The following PREX2 variants were observed in gnomAD, a reference collection of about 807,000 sequenced individuals.
PREX2 encodes the protein phosphatidylinositol-3,4,5-trisphosphate dependent Rac exchange factor 2.
PREX2 carries 107 observed loss-of-function variants against 203.2 expected under a neutral mutation model. The observed-to-expected ratio is 0.53, with a 90% CI of 0.45 to 0.62. PREX2 has a LOEUF of 0.62. PREX2 is among the 20% of genes least tolerant of loss of function. The pLI, the probability that PREX2 is intolerant of heterozygous loss-of-function variation, is 0.00. For synonymous variants in PREX2, 672 were observed against 663.6 expected (o/e 1.01, Z -0.19); for missense variants, 1,777 against 1,955.9 (o/e 0.91, Z 1.72).
chr8:68,092,411 T>C (rs1456426303), intron 20 of PREX2, among the ~76,000 whole-genome samples: 1 of 152,188 alleles, frequency 6.6e-6, no homozygotes, highest in Non-Finnish European at 1.5e-5. Context: ...AAATAGATAA[T>C]ACATATTGTA....
At chr8:68,083,067 T>C (rs1809578724) in intron 17 of PREX2, among the ~76,000 whole-genome samples, 173 bp from the exon 18 acceptor site, 1 of 152,216 alleles carries the variant, frequency 6.6e-6, no homozygotes, top group Non-Finnish European at 1.5e-5. Flanking sequence ...CCAAAGAGAA[T>C]GATAACTGTG....
intron 6 of PREX2, among the ~76,000 whole-genome samples, chr8:68,032,712 C>T (rs1443043867): frequency 6.6e-6 from 1 of 152,158 alleles, no homozygotes; most frequent in Non-Finnish European, 1.5e-5. Flanking sequence ...AGTTAAAGAG[C>T]TGTCTTTGAC....
chr8:67,965,083 T>G (rs978926132), intron 1 of PREX2, among the ~76,000 whole-genome samples: 1 of 152,152 alleles, frequency 6.6e-6, no homozygotes, highest in East Asian at 1.9e-4. Context: ...GAACAGTAGT[T>G]CATTTCAGGC....
chr8:68,169,024 C>T (rs1585841768), intron 35 of PREX2, among the ~76,000 whole-genome samples: 1 of 151,916 alleles, frequency 6.6e-6, no homozygotes, highest in Non-Finnish European at 1.5e-5. Flanking sequence ...TGACTTGGCT[C>T]GTCTAACAGA....
chr8:67,971,805 T>C (rs1172406603), intron 1 of PREX2, among the ~76,000 whole-genome samples: 1 of 152,210 alleles, frequency 6.6e-6, no homozygotes, highest in East Asian at 1.9e-4. Flanking sequence ...TCATTTTCCA[T>C]GTGTCTGAGC....
At chr8:68,078,901 C>G (rs1393353337) in intron 15 of PREX2, among the ~76,000 whole-genome samples, 1 of 152,126 alleles carries the variant, frequency 6.6e-6, no homozygotes. Flanking sequence ...AACAGTGTAG[C>G]TCATGCCTGG....
chr8:67,983,739 A>G (rs1257286465), intron 1 of PREX2, among the ~76,000 whole-genome samples: 1 of 152,164 alleles, frequency 6.6e-6, no homozygotes, highest in Non-Finnish European at 1.5e-5. Context: ...AGCTATTGTT[A>G]TTATTGAGTG....
chr8:68,055,696 A>G, intron 9 of PREX2, 134 bp from the exon 10 acceptor site: 1 of 786,028 alleles, frequency 1.3e-6, no homozygotes, highest in Non-Finnish European at 2.0e-6. Context: ...CCAGGGCACT[A>G]TTATACAGAG....
rs5892137 is a variant in PREX2 at position 68,115,021 on chromosome 8, CTTTTTTTTTTTT to C, written c.3147-720_3147-709del. 1.3e-4 allele frequency among the ~76,000 whole-genome samples: 11 copies of C among 86,848 alleles called. No individual in the cohort carries two copies. In the South Asian group the frequency reaches 1.3e-3, roughly 10 times the overall value. The allele number at this position is 86,848 out of a possible 152,430, so 57.0% of individuals were successfully genotyped here. ...TTCTTTTCTTTCTTTTCTTTTCTTT[CTTTTTTTTTTTT>C]TTTTTTTTTTTGAGTTGGAGTTTCG... On this transcript the variant is annotated intron_variant, in intron 25 of 39. Coordinates refer to ENST00000288368, the MANE Select transcript of PREX2 (RefSeq NM_024870.4).
At chr8:67,958,403 C>T (rs1020480177) in intron 1 of PREX2, among the ~76,000 whole-genome samples, 8 of 152,152 alleles carry the variant, frequency 5.3e-5, no homozygotes, top group African/African-American at 9.7e-5. Context: ...GTGACCTCAG[C>T]GTGGCAGATC....
chr8:68,215,898 C>T (rs1585870284), intron 37 of PREX2, among the ~76,000 whole-genome samples: 1 of 152,152 alleles, frequency 6.6e-6, no homozygotes, highest in East Asian at 1.9e-4. Flanking sequence ...TTGGCATAGG[C>T]TGTTCTGCAG....
intron 35 of PREX2, among the ~76,000 whole-genome samples, chr8:68,176,293 G>T (rs1170716582): frequency 6.6e-6 from 1 of 152,118 alleles, no homozygotes; most frequent in Non-Finnish European, 1.5e-5. Context: ...TCTGAGCCAG[G>T]TATGAAAAAA....
At chr8:67,973,505 C>A (rs2129019489) in intron 1 of PREX2, among the ~76,000 whole-genome samples, 1 of 152,236 alleles carries the variant, frequency 6.6e-6, no homozygotes, top group Non-Finnish European at 1.5e-5. Context: ...AATATCTTTT[C>A]TTCTTTCTTC....
chr8:68,030,127 C>A (rs1404542251), intron 5 of PREX2, among the ~76,000 whole-genome samples: 1 of 151,974 alleles, frequency 6.6e-6, no homozygotes, highest in Non-Finnish European at 1.5e-5. Flanking sequence ...ATTTGTTATT[C>A]TGTTAAAGAC....
chr8:68,187,219 CTTCTT>C (rs1450315149), intron 35 of PREX2, among the ~76,000 whole-genome samples: 4 of 152,158 alleles, frequency 2.6e-5, no homozygotes, highest in Non-Finnish European at 4.4e-5. Context: ...AAATGACAGT[CTTCTT>C]TCCTTTACCC....
Position 68,068,028 on chromosome 8 carries a change from G to C in PREX2, c.1340-1005G>C, listed in dbSNP as rs146425770. On this transcript the variant is annotated intron_variant, in intron 11 of 39. Transcript: ENST00000288368. ...ATGCATCATAATTTTTCATTTGCAT[G>C]TGTTGAACCACCCTTAGTTCTCAAG... Among the ~76,000 whole-genome samples the C allele has an allele frequency of 1.1e-3, 169 of 152,018 alleles. 3 individuals carry two copies. In the Middle Eastern group the frequency reaches 0.014, roughly 12 times the overall value.
At chr8:68,202,020 C>A (rs747093010) in intron 37 of PREX2, among the ~76,000 whole-genome samples, 1 of 150,778 alleles carries the variant, frequency 6.6e-6, no homozygotes, top group Non-Finnish European at 1.5e-5. Context: ...AGTTCTCTTC[C>A]TCAGCCTCCC....
Position 68,080,496 on chromosome 8 carries a change from G to C in PREX2, c.1696G>C (p.Asp566His). The C allele has an allele frequency of 6.2e-7, 1 of 1,611,338 alleles. No individual in the cohort carries two copies. The highest frequency in any genetic ancestry group is 8.5e-7 in the Non-Finnish European group (1 of 1,178,694). Residue 566 changes from aspartate (D) to histidine (H), a missense_variant, in exon 16 of 40, where the codon GAT becomes CAT. Transcript: ENST00000288368. ...ACCCCTACTTTTCCGTTTTTTTTCG[G>C]ATGAGGAAATGGAGGGATCAAATAT... ...DEPLLFRFFS[D>H]EEMEGSNMKH... is the part of the protein sequence containing the mutation.
intron 30 of PREX2, among the ~76,000 whole-genome samples, chr8:68,122,342 A>G (rs933058900): frequency 1.3e-5 from 2 of 152,012 alleles, no homozygotes; most frequent in African/African-American, 4.8e-5. Context: ...TTTCTTGGCT[A>G]TATTTTTATT....
Sources: allele counts gnomAD v4.1 joint callset (sites outside exome capture counted in the v4.1 genomes callset), GRCh38; gene constraint gnomAD v4.1.1; transcripts MANE v1.5; gene names NCBI Gene and HGNC (gene_info 2026-07-23, HGNC 2026-07-21).